Variants in LRRC4C observed in about 807,000 individuals in gnomAD.
LRRC4C encodes leucine rich repeat containing 4C, also known as leucine-rich repeat-containing protein 4C.
Under a neutral mutation model 33.6 loss-of-function variants are expected in LRRC4C, and 5 were observed. The ratio of observed to expected loss-of-function variants is 0.15; its 90% CI spans 0.08 to 0.31. The LOEUF (loss-of-function observed/expected upper bound fraction) is 0.31, where lower values mean the gene tolerates loss of function less well. Ranked by LOEUF, LRRC4C falls within the 10% of genes least tolerant of loss-of-function variation. LRRC4C has a pLI of 1.00. For missense variants in LRRC4C, 560 were observed against 796.7 expected (o/e 0.70, Z 3.58); for synonymous variants, 329 against 302.0 (o/e 1.09, Z -0.93).
In LRRC4C at chr11:40,200,784, A is replaced by AAAAAAAAAAAAAAAAAAAAAAG. The variant is rs71060946; in HGVS notation, c.-96+40734_-96+40735insCTTTTTTTTTTTTTTTTTTTTT. On this transcript the variant is annotated intron_variant, in intron 5 of 6. Coordinates refer to ENST00000528697, the MANE Select transcript of LRRC4C (RefSeq NM_001258419.2). ...CCATCTCAAAAAAAAAAAAAAAAAA[A>AAAAAAAAAAAAAAAAAAAAAAG]AAAAGAAAAGAAAAGAAAAAAAATT... Among the ~76,000 whole-genome samples, 67 of 78,448 alleles carry AAAAAAAAAAAAAAAAAAAAAAG rather than the reference A, an allele frequency of 8.5e-4. 1 individual carries two copies. Among genetic ancestry groups the AAAAAAAAAAAAAAAAAAAAAAG allele is most frequent in the Admixed American group, 1.2e-3 (6 of 5,042 alleles). The allele number at this position is 78,448 out of a possible 152,430, so 51.5% of individuals were successfully genotyped here.
chr11:41,003,453 T>C (rs979850017), intron 1 of LRRC4C, among the ~76,000 whole-genome samples: 1 of 152,162 alleles, frequency 6.6e-6, no homozygotes, highest in Non-Finnish European at 1.5e-5. Context: ...TTGGAAATGC[T>C]ACATTCACAG....
At chr11:40,822,852 G>A (rs770880159) in intron 2 of LRRC4C, among the ~76,000 whole-genome samples, 16 of 151,694 alleles carry the variant, frequency 1.1e-4, no homozygotes, top group Non-Finnish European at 1.9e-4. Flanking sequence ...TTTGTATATA[G>A]TGAGAGATAG....
chr11:41,440,327 A>C (rs1048019022), intron 1 of LRRC4C, among the ~76,000 whole-genome samples: 3 of 152,160 alleles, frequency 2.0e-5, no homozygotes, highest in African/African-American at 7.2e-5. Context: ...AAGGGGGAGA[A>C]AAATTACTGA....
At chr11:41,134,087 A>T (rs927750001) in intron 1 of LRRC4C, among the ~76,000 whole-genome samples, 1 of 151,934 alleles carries the variant, frequency 6.6e-6, no homozygotes, top group Non-Finnish European at 1.5e-5. Context: ...AAATTGCTTT[A>T]TTTATTTATT....
intron 2 of LRRC4C, among the ~76,000 whole-genome samples, chr11:40,708,355 T>G (rs61886847): frequency 0.16 from 24,374 of 152,130 alleles, 2,036 homozygotes; most frequent in African/African-American, 0.17. Context: ...CATTTAGTGC[T>G]ATAAATTTCC....
chr11:40,556,796 A>G (rs182078186), intron 3 of LRRC4C, among the ~76,000 whole-genome samples: 2 of 152,334 alleles, frequency 1.3e-5, no homozygotes, highest in East Asian at 3.9e-4. Flanking sequence ...GCAAGAGATT[A>G]AAAATCAAAA....
At chr11:40,386,996 T>A (rs1590561809) in intron 3 of LRRC4C, among the ~76,000 whole-genome samples, 2 of 152,196 alleles carry the variant, frequency 1.3e-5, no homozygotes, top group Non-Finnish European at 2.9e-5. Context: ...AATTTGCAGT[T>A]AATAATGATG....
intron 1 of LRRC4C, among the ~76,000 whole-genome samples, chr11:41,146,309 C>G (rs1351677896): frequency 2.0e-5 from 3 of 152,220 alleles, no homozygotes; most frequent in Non-Finnish European, 2.9e-5. Context: ...AGAGCTTCGT[C>G]AGTCCACTCT....
chr11:40,389,428 T>G (rs1201739241), intron 3 of LRRC4C, among the ~76,000 whole-genome samples: 1 of 152,040 alleles, frequency 6.6e-6, no homozygotes, highest in Non-Finnish European at 1.5e-5. Flanking sequence ...AAGTTTCTTT[T>G]GTTACGTATC....
At chr11:40,177,078 C>A (rs555751007) in intron 5 of LRRC4C, among the ~76,000 whole-genome samples, 1 of 151,928 alleles carries the variant, frequency 6.6e-6, no homozygotes, top group Non-Finnish European at 1.5e-5. Flanking sequence ...CTCAGCCTCC[C>A]AAGTAGCGGG....
At chr11:40,983,513 A>C (rs1267194674) in intron 1 of LRRC4C, among the ~76,000 whole-genome samples, 1 of 152,242 alleles carries the variant, frequency 6.6e-6, no homozygotes, top group Non-Finnish European at 1.5e-5. Flanking sequence ...AATCTGACAA[A>C]TGGGATTTAA....
At position 41,458,802 on chromosome 11, in the gene LRRC4C, T is replaced by C. The variant is rs375224719; in HGVS notation, c.-496+629A>G. On this transcript the variant is annotated intron_variant, in intron 1 of 6. Coordinates refer to ENST00000528697, the MANE Select transcript of LRRC4C (RefSeq NM_001258419.2). ...ATTCCAAAAGGTTAATGAGATGCAA[T>C]AGCGAGAGAATCAGTGCAAAAAGAG... Among the ~76,000 whole-genome samples, 14 of 152,216 alleles carry C rather than the reference T, an allele frequency of 9.2e-5. No homozygotes were observed. The East Asian group carries it at 1.4e-3, about 15-fold the overall frequency.
intron 5 of LRRC4C, among the ~76,000 whole-genome samples, chr11:40,146,885 T>C (rs1201079779): frequency 2.0e-5 from 3 of 152,094 alleles, no homozygotes; most frequent in African/African-American, 7.2e-5. Flanking sequence ...CAGCCTGACA[T>C]TGGGTATAGC....
At chr11:41,445,301 C>T (rs961881387) in intron 1 of LRRC4C, among the ~76,000 whole-genome samples, 15 of 152,094 alleles carry the variant, frequency 9.9e-5, no homozygotes, top group African/African-American at 3.6e-4. Flanking sequence ...ATCCCTTCTC[C>T]CCAGAGCTTA....
At chr11:40,707,836 G>T (rs762164863) in intron 2 of LRRC4C, among the ~76,000 whole-genome samples, 1 of 152,074 alleles carries the variant, frequency 6.6e-6, no homozygotes, top group African/African-American at 2.4e-5. Context: ...AATCCATCTG[G>T]TCCTGGACTT....
Position 41,159,743 on chromosome 11 carries a change from C to A in LRRC4C, c.-495-226020G>T, listed in dbSNP as rs80295919. ...TATTTGACCCTGGAAAAGAAAATAT[C>A]CAACATAAAGAGAGATACACTTTTT... is the stretch of plus-strand genomic sequence containing the variant. On this transcript the variant is annotated intron_variant, in intron 1 of 6. Coordinates refer to ENST00000528697, the MANE Select transcript of LRRC4C (RefSeq NM_001258419.2). 4.2e-3 allele frequency among the ~76,000 whole-genome samples: 637 copies of A among 152,014 alleles called. 5 individuals are homozygous for A. Among genetic ancestry groups the A allele is most frequent in the African/African-American group, 0.014 (597 of 41,464 alleles).
At chr11:40,992,684 GA>G (rs1228543814) in intron 1 of LRRC4C, among the ~76,000 whole-genome samples, 1 of 152,088 alleles carries the variant, frequency 6.6e-6, no homozygotes, top group Non-Finnish European at 1.5e-5. Flanking sequence ...TCACAAAAAG[GA>G]AAGCTAATTC....
chr11:41,123,324 G>C (rs1489103145), intron 1 of LRRC4C, among the ~76,000 whole-genome samples: 1 of 135,864 alleles, frequency 7.4e-6, no homozygotes, highest in East Asian at 2.2e-4. Flanking sequence ...CCAGGCTGGA[G>C]TGCAGTGGCG....
intron 2 of LRRC4C, among the ~76,000 whole-genome samples, chr11:40,880,180 G>A (rs1219743098): frequency 6.6e-6 from 1 of 152,080 alleles, no homozygotes; most frequent in Non-Finnish European, 1.5e-5. Flanking sequence ...GGAAGACTTT[G>A]AGGCGACTTC....
Sources: allele counts gnomAD v4.1 joint callset (sites outside exome capture counted in the v4.1 genomes callset), GRCh38; gene constraint gnomAD v4.1.1; transcripts MANE v1.5; gene names NCBI Gene and HGNC (gene_info 2026-07-23, HGNC 2026-07-21).